The following GALNTL6 variants were observed in gnomAD, a reference collection of about 807,000 sequenced individuals.
GALNTL6 encodes the protein polypeptide N-acetylgalactosaminyltransferase-like 6.
A neutral mutation model predicts 73.7 loss-of-function variants in GALNTL6; 46 were observed. That is an observed-to-expected ratio of 0.62 (90% CI 0.49 to 0.80). The LOEUF (loss-of-function observed/expected upper bound fraction) is 0.80. Among genes scored for constraint, GALNTL6 ranks in the 30% least tolerant of loss-of-function variants. The probability of loss-of-function intolerance (pLI) is 0.00; values close to 1 mark genes in which losing one functional copy is unlikely to be tolerated. For synonymous variants in GALNTL6, 259 were observed against 263.7 expected, an observed-to-expected ratio of 0.98 and a Z score of 0.17; for missense variants, 604 against 755.0, an observed-to-expected ratio of 0.80 and a Z score of 2.34.
At chr4:172,655,279 A>G (rs1296554911) in intron 5 of GALNTL6, among the ~76,000 whole-genome samples, 1 of 152,044 alleles carries the variant, frequency 6.6e-6, no homozygotes, top group Non-Finnish European at 1.5e-5. Flanking sequence ...TGCCTTTAAG[A>G]TAATCATTTT....
chr4:172,849,748 C>A (rs1743713924), intron 7 of GALNTL6, among the ~76,000 whole-genome samples: 1 of 152,068 alleles, frequency 6.6e-6, no homozygotes, highest in Non-Finnish European at 1.5e-5. Context: ...AATCTACATG[C>A]AAAACCTAGA....
At chr4:172,344,787 T>G (rs1394913537) in intron 4 of GALNTL6, among the ~76,000 whole-genome samples, 1 of 152,152 alleles carries the variant, frequency 6.6e-6, no homozygotes, top group African/African-American at 2.4e-5. Context: ...ATGTCACTTG[T>G]CTTGTTTGAG....
At chr4:172,561,058 CCTGGCTAACAA>C (rs1736337019) in intron 5 of GALNTL6, among the ~76,000 whole-genome samples, 1 of 150,964 alleles carries the variant, frequency 6.6e-6, no homozygotes, top group South Asian at 2.1e-4. Flanking sequence ...TCGAGACCAT[CCTGGCTAACAA>C]GGTGAAACCC....
intron 5 of GALNTL6, chr4:172,667,164 G>A (rs939568346): frequency 6.6e-6 from 1 of 152,224 alleles, no homozygotes; most frequent in Non-Finnish European, 1.5e-5. Context: ...ATGTGGGGTA[G>A]TGGAGCGACT....
At chr4:173,004,610 G>C (rs984298191) in intron 10 of GALNTL6, among the ~76,000 whole-genome samples, 1 of 152,140 alleles carries the variant, frequency 6.6e-6, no homozygotes, top group Non-Finnish European at 1.5e-5. Context: ...TGGGGAACAA[G>C]AGTGAAACTC....
intron 2 of GALNTL6, among the ~76,000 whole-genome samples, chr4:172,195,038 G>T (rs1243184014): frequency 6.6e-6 from 1 of 152,136 alleles, no homozygotes; most frequent in African/African-American, 2.4e-5. Context: ...TTGGCATGCT[G>T]TAGTTAAGAG....
intron 5 of GALNTL6, among the ~76,000 whole-genome samples, chr4:172,628,638 A>C (rs190912221): frequency 1.3e-4 from 20 of 152,166 alleles, no homozygotes; most frequent in Admixed American, 1.3e-3. Flanking sequence ...GCTGGCAAGC[A>C]GAGATGGTAT....
At chr4:172,254,872 G>A (rs1738018633) in intron 3 of GALNTL6, among the ~76,000 whole-genome samples, 1 of 151,542 alleles carries the variant, frequency 6.6e-6, no homozygotes, top group Admixed American at 6.6e-5. Context: ...GTTTCAGATG[G>A]GATAATAGGG....
chr4:172,576,511 A>G (rs1402847128), intron 5 of GALNTL6, among the ~76,000 whole-genome samples: 2 of 152,218 alleles, frequency 1.3e-5, no homozygotes, highest in African/African-American at 4.8e-5. Context: ...ACTTGCAGTC[A>G]GGAAAGCCCA....
At chr4:171,878,580 A>T (rs1021631188) in intron 2 of GALNTL6, among the ~76,000 whole-genome samples, 1 of 152,110 alleles carries the variant, frequency 6.6e-6, no homozygotes, top group African/African-American at 2.4e-5. Flanking sequence ...CTTCATGTAT[A>T]TTATTTTTTT....
chr4:172,047,459 C>T (rs1181567954), intron 2 of GALNTL6, among the ~76,000 whole-genome samples: 2 of 152,062 alleles, frequency 1.3e-5, no homozygotes, highest in African/African-American at 4.8e-5. Flanking sequence ...TTGAATTTTG[C>T]CGTGCTTTCC....
intron 5 of GALNTL6, among the ~76,000 whole-genome samples, chr4:172,351,800 T>A (rs1273509847): frequency 6.6e-6 from 1 of 152,188 alleles, no homozygotes; most frequent in Non-Finnish European, 1.5e-5. Context: ...ACTTTAAATT[T>A]ACTTTTAGAA....
intron 5 of GALNTL6, among the ~76,000 whole-genome samples, chr4:172,718,807 A>C (rs1735271502): frequency 6.6e-6 from 1 of 152,140 alleles, no homozygotes; most frequent in Admixed American, 6.5e-5. Flanking sequence ...TTTTAAAATC[A>C]ACTTTTAAAA....
intron 7 of GALNTL6, among the ~76,000 whole-genome samples, chr4:172,826,868 G>T (rs974260013): frequency 7.9e-5 from 12 of 152,336 alleles, no homozygotes; most frequent in African/African-American, 2.6e-4. Flanking sequence ...CAATTCAAAA[G>T]TCTAACTCCA....
At chr4:171,902,381 G>A (rs1737125047) in intron 2 of GALNTL6, among the ~76,000 whole-genome samples, 1 of 152,196 alleles carries the variant, frequency 6.6e-6, no homozygotes, top group Non-Finnish European at 1.5e-5. Context: ...GATGAATGCT[G>A]ATTTCATCAT....
At chr4:172,461,883 A>G (rs955463643) in intron 5 of GALNTL6, among the ~76,000 whole-genome samples, 3 of 152,146 alleles carry the variant, frequency 2.0e-5, no homozygotes, top group African/African-American at 7.2e-5. Flanking sequence ...TGTGTCTGTG[A>G]AGGTGTTTTT....
At chr4:172,384,033 T>C (rs1359886804) in intron 5 of GALNTL6, among the ~76,000 whole-genome samples, 2 of 152,108 alleles carry the variant, frequency 1.3e-5, no homozygotes, top group African/African-American at 4.8e-5. Context: ...AGGATTTTTA[T>C]TTGTGTATTT....
chr4:172,165,453 C>CTT (rs1038916779), intron 2 of GALNTL6, among the ~76,000 whole-genome samples: 30 of 152,118 alleles, frequency 2.0e-4, no homozygotes, highest in Admixed American at 1.1e-3. Context: ...TCTCAAAAGA[C>CTT]TTATCAGTGT....
chr4:172,071,947 C>G (rs1022751722), intron 2 of GALNTL6, among the ~76,000 whole-genome samples: 1 of 152,132 alleles, frequency 6.6e-6, no homozygotes, highest in Non-Finnish European at 1.5e-5. Flanking sequence ...CATAAGTCCT[C>G]TTATTTGGGA....
Sources: allele counts gnomAD v4.1 joint callset (sites outside exome capture counted in the v4.1 genomes callset), GRCh38; gene constraint gnomAD v4.1.1; transcripts MANE v1.5; gene names NCBI Gene and HGNC (gene_info 2026-07-23, HGNC 2026-07-21).